PAG1: variants seen among roughly 807,000 people sequenced by gnomAD.
The protein encoded by PAG1 is phosphoprotein membrane anchor with glycosphingolipid microdomains 1, also known as phosphoprotein associated with glycosphingolipid-enriched microdomains 1.
PAG1 carries 23 observed loss-of-function variants against 31.7 expected under a neutral mutation model. The ratio of observed to expected loss-of-function variants is 0.73; its 90% CI spans 0.52 to 1.03. The LOEUF (loss-of-function observed/expected upper bound fraction) is 1.03. Among genes scored for constraint, PAG1 ranks in the 50% least tolerant of loss-of-function variants. The probability of loss-of-function intolerance (pLI) is 0.00; values close to 1 mark genes in which losing one functional copy is unlikely to be tolerated. For synonymous variants in PAG1, 214 were observed against 210.3 expected, an observed-to-expected ratio of 1.02 and a Z score of -0.15; for missense variants, 473 against 540.7, an observed-to-expected ratio of 0.87 and a Z score of 1.24.
At chr8:81,002,008 G>A (rs1271419191) in intron 3 of PAG1, among the ~76,000 whole-genome samples, 2 of 152,172 alleles carry the variant, frequency 1.3e-5, no homozygotes, top group East Asian at 3.9e-4. Flanking sequence ...TACACCCACT[G>A]CTTACTCCCA....
At chr8:81,027,846 A>G (rs1808309182) in intron 3 of PAG1, among the ~76,000 whole-genome samples, 1 of 145,630 alleles carries the variant, frequency 6.9e-6, no homozygotes, top group African/African-American at 2.6e-5. Flanking sequence ...CGGAGCTTGC[A>G]GTGAGCTGAG....
chr8:81,109,238 G>A (rs1379184589), intron 1 of PAG1, among the ~76,000 whole-genome samples: 2 of 152,246 alleles, frequency 1.3e-5, no homozygotes, highest in Non-Finnish European at 2.9e-5. Context: ...TGTGGGTGCT[G>A]TTAAGCACTT....
chr8:80,999,344 G>A (rs962235838), intron 3 of PAG1, among the ~76,000 whole-genome samples: 7 of 152,128 alleles, frequency 4.6e-5, no homozygotes, highest in African/African-American at 1.7e-4. Context: ...CTGAGTCAGG[G>A]GCAGAACACA....
At chr8:81,104,010 T>C (rs1809651643) in intron 1 of PAG1, among the ~76,000 whole-genome samples, 1 of 152,188 alleles carries the variant, frequency 6.6e-6, no homozygotes, top group South Asian at 2.1e-4. Context: ...CAGAAAAAAA[T>C]AAGAAATGAA....
chr8:81,018,550 G>A (rs1280810916), intron 3 of PAG1, among the ~76,000 whole-genome samples: 1 of 152,188 alleles, frequency 6.6e-6, no homozygotes, highest in African/African-American at 2.4e-5. Context: ...TTGAATCATA[G>A]GGGCAGGTCT....
Position 80,990,548 on chromosome 8 carries a change from C to T in PAG1, c.177+931G>A, listed in dbSNP as rs1052820043. 2.0e-5 allele frequency among the ~76,000 whole-genome samples: 3 copies of T among 152,140 alleles called. No individual in the cohort carries two copies. Among genetic ancestry groups the T allele is most frequent in the Non-Finnish European group, 4.4e-5 (3 of 68,012 alleles). On this transcript the variant is annotated intron_variant, in intron 5 of 8. Transcript: ENST00000220597. This position sits in a 1 kb window ranked among gnomAD's most constrained non-coding sequence, Gnocchi z 5.1. ...TCTGAACTCTGCCTTGCTAATGTGA[C>T]GATGGGCCCCCTCCCCAGCGGCTGG... is the stretch of plus-strand genomic sequence containing the variant.
At chr8:81,102,865 A>G (rs937539865) in intron 1 of PAG1, among the ~76,000 whole-genome samples, 2 of 152,220 alleles carry the variant, frequency 1.3e-5, no homozygotes, top group Non-Finnish European at 2.9e-5. Context: ...AAGCAATATC[A>G]TTTAATGTAT....
chr8:81,064,727 T>C (rs1313168745), intron 2 of PAG1, among the ~76,000 whole-genome samples: 2 of 152,132 alleles, frequency 1.3e-5, no homozygotes, highest in South Asian at 2.1e-4. Flanking sequence ...CCTTCAAAAG[T>C]AGTTCTTACG....
At position 80,976,454 on chromosome 8, in the gene PAG1, GA is replaced by G; in HGVS notation, c.*89del. 1 of 1,290,842 alleles carries G rather than the reference GA, an allele frequency of 7.7e-7. No homozygotes were observed. Among genetic ancestry groups the G allele is most frequent in the Non-Finnish European group, 1.1e-6 (1 of 931,214 alleles). The allele number at this position is 1,290,842 out of a possible 1,614,324, so 80.0% of individuals were successfully genotyped here. ...TCTTCAGGTGACTAAAGCAGCATAT[GA>G]AGTATAGGTTTGTGTCACTTCTTCT... On this transcript the variant is annotated 3_prime_UTR_variant, in exon 9 of 9. Transcript: ENST00000220597.
rs1000674124 is a variant in PAG1 at position 80,974,756 on chromosome 8, G to T, written c.*1788C>A. 2 of 152,204 alleles carry T rather than the reference G, an allele frequency of 1.3e-5. No individual in the cohort carries two copies. The highest frequency in any genetic ancestry group is 4.8e-5 in the African/African-American group (2 of 41,438). 9.4% of individuals were successfully genotyped at this position (152,204 alleles called of 1,614,324 possible). On this transcript the variant is annotated 3_prime_UTR_variant, in exon 9 of 9. Transcript: ENST00000220597. ...TTATTAAATCCAAAAAGTCACAGATGTCACAAGGGGATGAAATAATTTCCT... is the reference window on the plus strand; with the variant it reads ...TTATTAAATCCAAAAAGTCACAGATTTCACAAGGGGATGAAATAATTTCCT...
At chr8:81,097,213 A>C (rs550997876) in intron 1 of PAG1, among the ~76,000 whole-genome samples, 1 of 152,316 alleles carries the variant, frequency 6.6e-6, no homozygotes, top group African/African-American at 2.4e-5. Context: ...AAGTTATAGT[A>C]AACGTGAAAC....
At chr8:81,033,010 G>A (rs1366564612) in intron 2 of PAG1, among the ~76,000 whole-genome samples, 1 of 152,062 alleles carries the variant, frequency 6.6e-6, no homozygotes, top group Non-Finnish European at 1.5e-5. Context: ...TCCAAAATAG[G>A]CAAATACATA....
chr8:81,100,903 T>C (rs986942092), intron 1 of PAG1, among the ~76,000 whole-genome samples: 1 of 152,240 alleles, frequency 6.6e-6, no homozygotes, highest in Non-Finnish European at 1.5e-5. Context: ...CCAAATAGCC[T>C]GTGGCTATAA....
chr8:81,098,036 A>G (rs571359422), intron 1 of PAG1, among the ~76,000 whole-genome samples: 3 of 152,334 alleles, frequency 2.0e-5, no homozygotes, highest in Admixed American at 1.3e-4. Context: ...ATATTGCTAT[A>G]AGAGTATGCA....
At chr8:81,021,435 T>C (rs563928534) in intron 3 of PAG1, among the ~76,000 whole-genome samples, 1 of 148,952 alleles carries the variant, frequency 6.7e-6, no homozygotes, top group South Asian at 2.2e-4. Flanking sequence ...GTCCTTTTAT[T>C]TTTGGTTCCA....
intron 2 of PAG1, among the ~76,000 whole-genome samples, chr8:81,044,405 C>G (rs984766922): frequency 3.3e-5 from 5 of 152,146 alleles, no homozygotes; most frequent in Non-Finnish European, 7.4e-5. Context: ...GAAATGCCAT[C>G]TGAAGCCATA....
chr8:80,977,195 G>T (rs1408384670), intron 8 of PAG1, among the ~76,000 whole-genome samples: 2 of 152,152 alleles, frequency 1.3e-5, no homozygotes, highest in African/African-American at 2.4e-5. Context: ...GCTCCTGAAG[G>T]CCCCGGGGAC....
At chr8:81,051,853 G>A (rs755026527) in intron 2 of PAG1, among the ~76,000 whole-genome samples, 24 of 152,106 alleles carry the variant, frequency 1.6e-4, no homozygotes, top group Non-Finnish European at 2.6e-4. Flanking sequence ...ACTATTGGCC[G>A]GGCGCGGTGG....
At chr8:81,037,248 T>C (rs1231922936) in intron 2 of PAG1, 2 of 152,244 alleles carry the variant, frequency 1.3e-5, no homozygotes, top group Non-Finnish European at 2.9e-5. Flanking sequence ...CCTTATACTA[T>C]CTACAACATA....
Sources: allele counts gnomAD v4.1 joint callset (sites outside exome capture counted in the v4.1 genomes callset), GRCh38; gene constraint gnomAD v4.1.1; non-coding constraint Gnocchi (gnomAD v3.1); transcripts MANE v1.5; gene names NCBI Gene and HGNC (gene_info 2026-07-23, HGNC 2026-07-21).